CIMAP2: variants seen among roughly 807,000 people sequenced by gnomAD.
The protein encoded by CIMAP2 is ciliary microtubule associated protein 2.
chr1:54,809,841 C>T, the CIMAP2 span, among the ~76,000 whole-genome samples: 1 of 150,492 alleles, frequency 6.6e-6, no homozygotes, highest in Non-Finnish European at 1.5e-5. Flanking sequence ...TTCCCTCGTA[C>T]CTGTCTTTGG....
chr1:54,811,765 G>GGGGGGGGGGGGCCCCCCCCCCCCCCCC, the CIMAP2 span: 1 of 1,301,332 alleles, frequency 7.7e-7, no homozygotes, highest in Non-Finnish European at 1.1e-6. Flanking sequence ...GGTTCTGACA[G>GGGGGGGGGGGGCCCCCCCCCCCCCCCC]CCTCCATGCC....
chr1:54,831,490 T>C, the CIMAP2 span, among the ~76,000 whole-genome samples: 1 of 151,986 alleles, frequency 6.6e-6, no homozygotes, highest in East Asian at 1.9e-4. Context: ...CCGTCTCTAC[T>C]AAAAATGCAA....
At chr1:54,807,134 C>T in the CIMAP2 span, 1 of 1,534,174 alleles carries the variant, frequency 6.5e-7, no homozygotes. Flanking sequence ...GGCCACTGCC[C>T]CTTCGAGCTG....
At chr1:54,811,787 C>A in the CIMAP2 span, 3 of 1,541,030 alleles carry the variant, frequency 1.9e-6, no homozygotes, top group South Asian at 2.3e-5. Flanking sequence ...CCACCCCCGC[C>A]CCACAGAACT....
chr1:54,841,109 G>A, the CIMAP2 span, among the ~76,000 whole-genome samples: 1 of 152,198 alleles, frequency 6.6e-6, no homozygotes. Context: ...TCTTACCCTA[G>A]TGAGTCCTCC....
At chr1:54,823,187 G>A in the CIMAP2 span, among the ~76,000 whole-genome samples, 10 of 152,050 alleles carry the variant, frequency 6.6e-5, no homozygotes, top group African/African-American at 1.9e-4. Context: ...AACTATTATT[G>A]TATTGAAGTC....
At chr1:54,822,255 G>C in the CIMAP2 span, among the ~76,000 whole-genome samples, 2 of 152,102 alleles carry the variant, frequency 1.3e-5, no homozygotes, top group African/African-American at 4.8e-5. Flanking sequence ...GTGTTAAATA[G>C]GAGTGCTGAT....
At chr1:54,814,844 C>T in the CIMAP2 span, 1 of 1,601,468 alleles carries the variant, frequency 6.2e-7, no homozygotes, top group Non-Finnish European at 8.5e-7. Context: ...CCAGAGCCCT[C>T]ACCTGCCCTG....
chr1:54,839,082 G>A, the CIMAP2 span, among the ~76,000 whole-genome samples: 1 of 152,110 alleles, frequency 6.6e-6, no homozygotes, highest in African/African-American at 2.4e-5. Flanking sequence ...GGTCCATCTG[G>A]CTCCAAGCTG....
At chr1:54,812,981 C>T in the CIMAP2 span, among the ~76,000 whole-genome samples, 1 of 152,282 alleles carries the variant, frequency 6.6e-6, no homozygotes, top group Non-Finnish European at 1.5e-5. Flanking sequence ...GGCAGGTAGC[C>T]ACTGAGCTGA....
chr1:54,832,031 G>C, the CIMAP2 span, among the ~76,000 whole-genome samples: 1 of 152,214 alleles, frequency 6.6e-6, no homozygotes, highest in African/African-American at 2.4e-5. Context: ...ATTTTTTGTA[G>C]ATGGGGTTTC....
the CIMAP2 span, chr1:54,813,968 G>T: frequency 8.5e-4 from 1,355 of 1,601,152 alleles, 5 homozygotes; most frequent in African/African-American, 0.013. Context: ...CAGTGCCCCC[G>T]CACACTGGTG....
At chr1:54,810,174 C>T in the CIMAP2 span, among the ~76,000 whole-genome samples, 1 of 152,202 alleles carries the variant, frequency 6.6e-6, no homozygotes, top group African/African-American at 2.4e-5. Flanking sequence ...TCTCCCAGGT[C>T]CTGTGGTGCT....
At chr1:54,815,060 G>A in the CIMAP2 span, 2 of 1,613,144 alleles carry the variant, frequency 1.2e-6, no homozygotes, top group Non-Finnish European at 1.7e-6. Context: ...CTGGGGTGAG[G>A]GATACATGGG....
chr1:54,825,503 C>A, the CIMAP2 span, among the ~76,000 whole-genome samples: 5 of 152,090 alleles, frequency 3.3e-5, no homozygotes, highest in African/African-American at 1.2e-4. Context: ...GTGGCTTAGG[C>A]TGTGGTTGTT....
At chr1:54,814,451 C>T in the CIMAP2 span, among the ~76,000 whole-genome samples, 6 of 152,168 alleles carry the variant, frequency 3.9e-5, no homozygotes, top group African/African-American at 1.2e-4. Context: ...CCCCAAAGCA[C>T]GGTCTGCCCC....
At chr1:54,808,960 C>T in the CIMAP2 span, among the ~76,000 whole-genome samples, 1 of 152,064 alleles carries the variant, frequency 6.6e-6, no homozygotes, top group African/African-American at 2.4e-5. Flanking sequence ...AATGCCCTTC[C>T]TCCCTTGGCA....
At chr1:54,819,666 C>T in the CIMAP2 span, among the ~76,000 whole-genome samples, 10 of 152,100 alleles carry the variant, frequency 6.6e-5, no homozygotes, top group South Asian at 4.2e-4. Context: ...CCACTGTGCC[C>T]GGCCTCACCT....
the CIMAP2 span, among the ~76,000 whole-genome samples, chr1:54,830,324 G>A: frequency 2.6e-5 from 4 of 152,276 alleles, no homozygotes; most frequent in South Asian, 4.1e-4. This position sits in a 1 kb window ranked among gnomAD's most constrained non-coding sequence, Gnocchi z 4.1. Flanking sequence ...CTGGGCTCAA[G>A]TGATTCTCCT....
Sources: allele counts gnomAD v4.1 joint callset (sites outside exome capture counted in the v4.1 genomes callset), GRCh38; gene constraint gnomAD v4.1.1; non-coding constraint Gnocchi (gnomAD v3.1); transcripts MANE v1.5; gene names NCBI Gene and HGNC (gene_info 2026-07-23, HGNC 2026-07-21).